The following ANK1 variants were observed in gnomAD, a reference collection of about 807,000 sequenced individuals.
ANK1 encodes ankyrin-1.
A neutral mutation model predicts 210.4 loss-of-function variants in ANK1; 51 were observed. That is an observed-to-expected ratio of 0.24 (90% CI 0.19 to 0.31). ANK1 has a LOEUF of 0.31. ANK1 is among the 10% of genes least tolerant of loss of function. The pLI is 1.00. For missense variants in ANK1, 2,051 were observed against 2,504.4 expected, an observed-to-expected ratio of 0.82 and a Z score of 3.86; for synonymous variants, 967 against 1,025.9, an observed-to-expected ratio of 0.94 and a Z score of 1.10.
In ANK1 at chr8:41,688,296, C is replaced by T. The variant is rs769261364; in HGVS notation, c.4184-66G>A. 6.3e-5 allele frequency: 97 copies of T among 1,540,904 alleles called. No homozygotes were observed. In the East Asian group the frequency reaches 1.4e-3, roughly 23 times the overall value. ...GACACAGTTGACAGGCCTGAGGACA[C>T]GGCCTGTGATGGATGTGGCTTCCGT... is the stretch of plus-strand genomic sequence containing the variant. On this transcript the variant is annotated intron_variant, in intron 34 of 42. Transcript: ENST00000289734.
chr8:41,778,660 T>C (rs1844628606), intron 1 of ANK1, among the ~76,000 whole-genome samples: 1 of 152,214 alleles, frequency 6.6e-6, no homozygotes, highest in African/African-American at 2.4e-5. Flanking sequence ...GCTGTGTGAA[T>C]GTTATGTAAA....
intron 1 of ANK1, among the ~76,000 whole-genome samples, chr8:41,791,518 GCCTCCCAGGTTCAAGTGATGCTC>G (rs1241175897): frequency 6.7e-6 from 1 of 150,364 alleles, no homozygotes; most frequent in East Asian, 2.0e-4. Flanking sequence ...TGCAACCTCT[GCCTCCCAGGTTCAAGTGATGCTC>G]CTGCCTCAGC....
At chr8:41,777,872 A>G (rs1277955826) in intron 1 of ANK1, among the ~76,000 whole-genome samples, 1 of 152,214 alleles carries the variant, frequency 6.6e-6, no homozygotes, top group African/African-American at 2.4e-5. Context: ...CAGCCAGCGC[A>G]TCATTTCTGG....
At chr8:41,705,970 T>A (rs1824451448) in intron 18 of ANK1, among the ~76,000 whole-genome samples, 173 bp downstream of exon 18, 1 of 152,164 alleles carries the variant, frequency 6.6e-6, no homozygotes, top group Admixed American at 6.5e-5. Context: ...AAATCCCCAA[T>A]GGGAAAGTCA....
intron 1 of ANK1, among the ~76,000 whole-genome samples, chr8:41,836,549 A>G (rs1406615853): frequency 1.3e-5 from 2 of 152,216 alleles, no homozygotes; most frequent in Admixed American, 1.3e-4. Context: ...TCCTAGACCA[A>G]GTTCCATTCT....
At chr8:41,714,852 C>T (rs1827176260) in intron 15 of ANK1, 124 bp downstream of exon 15, 3 of 1,012,560 alleles carry the variant, frequency 3.0e-6, no homozygotes, top group African/African-American at 1.6e-5. Context: ...AGAGCGAGAC[C>T]CTGTCTCAAA....
intron 2 of ANK1, among the ~76,000 whole-genome samples, chr8:41,739,136 C>G (rs1256890597): frequency 6.6e-6 from 1 of 152,188 alleles, no homozygotes; most frequent in African/African-American, 2.4e-5. Flanking sequence ...CTTGGCTACT[C>G]TGTTTTGGTT....
intron 2 of ANK1, among the ~76,000 whole-genome samples, chr8:41,742,185 C>T (rs1164435937): frequency 1.3e-5 from 2 of 152,194 alleles, no homozygotes; most frequent in Admixed American, 1.3e-4. Flanking sequence ...ATACACAATT[C>T]CAGACATTTG....
At chr8:41,861,965 T>TC in intron 1 of ANK1, among the ~76,000 whole-genome samples, 1 of 152,262 alleles carries the variant, frequency 6.6e-6, no homozygotes, top group East Asian at 1.9e-4. Context: ...TTTCTTCCCT[T>TC]CCCCAGAGGT....
At chr8:41,658,512 G>T (rs996602599) in intron 42 of ANK1, among the ~76,000 whole-genome samples, 1 of 152,244 alleles carries the variant, frequency 6.6e-6, no homozygotes, top group Non-Finnish European at 1.5e-5. Flanking sequence ...GGAAGCAGGA[G>T]GAGGCCTTGA....
chr8:41,760,909 A>C (rs1213210315), intron 1 of ANK1, among the ~76,000 whole-genome samples: 3 of 152,148 alleles, frequency 2.0e-5, no homozygotes, highest in East Asian at 1.9e-4. Flanking sequence ...CTCCTAAAAA[A>C]AACATGCTGC....
intron 38 of ANK1, among the ~76,000 whole-genome samples, chr8:41,670,825 C>G (rs1219574149): frequency 6.6e-6 from 1 of 152,212 alleles, no homozygotes; most frequent in Non-Finnish European, 1.5e-5. Context: ...CCTGGAACAG[C>G]TGCCTGGGGG....
intron 1 of ANK1, among the ~76,000 whole-genome samples, chr8:41,768,332 A>C (rs1842298470): frequency 6.6e-6 from 1 of 152,232 alleles, no homozygotes; most frequent in Non-Finnish European, 1.5e-5. Flanking sequence ...GCTGGCTTCA[A>C]GTCACAGTCA....
At chr8:41,769,977 C>CTTTTTTTTTTTTTTT (rs59542968) in intron 1 of ANK1, among the ~76,000 whole-genome samples, 20 of 86,652 alleles carry the variant, frequency 2.3e-4, no homozygotes, top group African/African-American at 6.9e-4. Context: ...TTTCTTTTTT[C>CTTTTTTTTTTTTTTT]TTTTTTTTTT....
intron 1 of ANK1, among the ~76,000 whole-genome samples, chr8:41,787,944 T>G (rs1462483795): frequency 6.6e-6 from 1 of 152,116 alleles, no homozygotes; most frequent in Non-Finnish European, 1.5e-5. Context: ...TGCCCCCCAG[T>G]ACCCCTGGCA....
At chr8:41,734,490 T>C (rs1832943900) in intron 2 of ANK1, among the ~76,000 whole-genome samples, 1 of 152,166 alleles carries the variant, frequency 6.6e-6, no homozygotes, top group Non-Finnish European at 1.5e-5. Flanking sequence ...CTTGTAGAAA[T>C]AGACATATGT....
intron 12 of ANK1, 119 bp downstream of exon 12, chr8:41,717,485 A>G: frequency 2.1e-6 from 2 of 971,442 alleles, no homozygotes; most frequent in South Asian, 1.4e-5. Flanking sequence ...AGTCTGAAGC[A>G]TTGGCTGTTC....
intron 1 of ANK1, among the ~76,000 whole-genome samples, chr8:41,821,648 T>C (rs1804279019): frequency 6.6e-6 from 1 of 152,222 alleles, no homozygotes; most frequent in Non-Finnish European, 1.5e-5. Context: ...CCATGCTAGC[T>C]GCCAGGGAAC....
chr8:41,665,439 G>A (rs1365505096), intron 39 of ANK1: 29 of 435,364 alleles, frequency 6.7e-5, no homozygotes, highest in Non-Finnish European at 1.1e-4. Flanking sequence ...ACCCCGCCCT[G>A]CCCAGAGACC....
Sources: gnomAD v4.1 joint callset for allele counts (sites outside exome capture counted in the v4.1 genomes callset) on GRCh38, gnomAD v4.1.1 for gene constraint, MANE v1.5 for transcripts, NCBI Gene and HGNC (gene_info 2026-07-23, HGNC 2026-07-21) for gene names.